The following PIAS1 variants were observed in gnomAD, a reference collection of about 807,000 sequenced individuals.
PIAS1 encodes the protein protein inhibitor of activated STAT 1.
Under a neutral mutation model 71.3 loss-of-function variants are expected in PIAS1, and 6 were observed. The observed-to-expected ratio is 0.08, with a 90% CI of 0.05 to 0.17. PIAS1 has a LOEUF of 0.17. Among genes scored for constraint, PIAS1 ranks in the 10% least tolerant of loss-of-function variants. PIAS1 has a pLI of 1.00. For synonymous variants in PIAS1, 303 were observed against 292.9 expected (o/e 1.03, Z -0.35); for missense variants, 555 against 793.6 (o/e 0.70, Z 3.61).
At chr15:68,134,586 C>A (rs1293470330) in intron 2 of PIAS1, among the ~76,000 whole-genome samples, 1 of 40,504 alleles carries the variant, frequency 2.5e-5, no homozygotes, top group Non-Finnish European at 1.1e-4. Flanking sequence ...GCGCCCCCCA[C>A]CCCCCAGACG....
chr15:68,069,803 CAAA>C (rs56693841), intron 1 of PIAS1, among the ~76,000 whole-genome samples: 75 of 101,444 alleles, frequency 7.4e-4, no homozygotes, highest in Admixed American at 8.2e-4. Context: ...GACTCCGTCT[CAAA>C]AAAAAAAAAA....
chr15:68,168,805 C>G (rs2092972744), intron 8 of PIAS1, among the ~76,000 whole-genome samples: 1 of 152,126 alleles, frequency 6.6e-6, no homozygotes, highest in East Asian at 1.9e-4. Context: ...TTATGTCTGT[C>G]TTGTACCATT....
chr15:68,175,596 T>C, intron 9 of PIAS1, 41 bp from the exon 10 acceptor site: 1 of 1,152,328 alleles, frequency 8.7e-7, no homozygotes, highest in South Asian at 2.1e-5. Flanking sequence ...ACCTTTATGT[T>C]CATTTAAAAT....
chr15:68,111,061 A>C (rs2092519501), intron 2 of PIAS1, among the ~76,000 whole-genome samples: 1 of 152,098 alleles, frequency 6.6e-6, no homozygotes. Flanking sequence ...GCTTATGGTT[A>C]TCTGCTCTTA....
intron 5 of PIAS1, 121 bp from the exon 6 acceptor site, chr15:68,146,445 C>CT: frequency 2.9e-6 from 2 of 698,580 alleles, no homozygotes; most frequent in Admixed American, 2.9e-5. Context: ...TGCTTCTCTA[C>CT]TTTTTAATGA....
intron 1 of PIAS1, among the ~76,000 whole-genome samples, chr15:68,080,080 T>C (rs2092213773): frequency 6.6e-6 from 1 of 152,108 alleles, no homozygotes; most frequent in South Asian, 2.1e-4. Context: ...GGTCTGCCTG[T>C]CTCAGCCTCC....
chr15:68,143,704 G>C (rs922101404), intron 4 of PIAS1, among the ~76,000 whole-genome samples: 1 of 152,062 alleles, frequency 6.6e-6, no homozygotes, highest in South Asian at 2.1e-4. Flanking sequence ...CATTTTGCTT[G>C]TGCTGATACT....
chr15:68,143,933 C>T (rs778624749), intron 4 of PIAS1, among the ~76,000 whole-genome samples: 3 of 151,868 alleles, frequency 2.0e-5, no homozygotes, highest in African/African-American at 4.8e-5. Flanking sequence ...GTTTAAAAAC[C>T]GTAGCTTTAG....
At chr15:68,115,227 A>G (rs925424328) in intron 2 of PIAS1, among the ~76,000 whole-genome samples, 5 of 152,122 alleles carry the variant, frequency 3.3e-5, no homozygotes, top group Non-Finnish European at 7.4e-5. Flanking sequence ...ATATGTTTTC[A>G]GCTCCTTTAG....
chr15:68,094,318 A>C (rs1044856098), intron 2 of PIAS1, among the ~76,000 whole-genome samples: 2 of 151,860 alleles, frequency 1.3e-5, no homozygotes, highest in Non-Finnish European at 1.5e-5. Context: ...CTTTGGAGAT[A>C]TTTACACCTC....
rs1056323397 is a variant in PIAS1, at chr15:68,171,275, T to C, written c.1009-2457T>C. Among the ~76,000 whole-genome samples the C allele has an allele frequency of 1.3e-5, 2 of 152,200 alleles. No individual in the cohort carries two copies. Among genetic ancestry groups the C allele is most frequent in the Admixed American group, 6.5e-5 (1 of 15,278 alleles). ...ACAGACATGGAGCTGTTCTCTCTTATGGTAACAGTGCCTTCTTCTGGAATA... is the reference window on the plus strand; with the variant it reads ...ACAGACATGGAGCTGTTCTCTCTTACGGTAACAGTGCCTTCTTCTGGAATA... On this transcript the variant is annotated intron_variant, in intron 8 of 13. Coordinates refer to ENST00000249636, the MANE Select transcript of PIAS1 (RefSeq NM_016166.3). The surrounding 1 kb of genome is among the most constrained non-coding windows in gnomAD (Gnocchi z 4.4).
At chr15:68,125,542 A>T (rs1408560256) in intron 2 of PIAS1, among the ~76,000 whole-genome samples, 3 of 152,176 alleles carry the variant, frequency 2.0e-5, no homozygotes, top group Non-Finnish European at 4.4e-5. Flanking sequence ...CATGCCTGAA[A>T]ATGTTTTATT....
intron 1 of PIAS1, chr15:68,055,798 G>T: frequency 1.6e-6 from 1 of 631,674 alleles, no homozygotes; most frequent in South Asian, 1.9e-5. Context: ...ACAACTTCTA[G>T]AACAACCAAA....
intron 2 of PIAS1, among the ~76,000 whole-genome samples, chr15:68,092,377 G>A (rs2092339613): frequency 6.6e-6 from 1 of 151,930 alleles, no homozygotes; most frequent in Non-Finnish European, 1.5e-5. Context: ...TTGTCATGTT[G>A]GCCAGGCTTG....
At chr15:68,139,925 G>C (rs879827244) in intron 2 of PIAS1, among the ~76,000 whole-genome samples, 2 of 151,904 alleles carry the variant, frequency 1.3e-5, no homozygotes, top group Non-Finnish European at 2.9e-5. Context: ...TTTTTTGAAA[G>C]GGCTAATGGT....
At chr15:68,149,633 C>CT (rs569385584) in intron 6 of PIAS1, among the ~76,000 whole-genome samples, 1 of 151,836 alleles carries the variant, frequency 6.6e-6, no homozygotes, top group Admixed American at 6.6e-5. Flanking sequence ...AAAAAGAGAT[C>CT]TTTTTTTCTG....
chr15:68,163,213 AATC>A (rs2092936461), intron 7 of PIAS1, among the ~76,000 whole-genome samples: 1 of 152,236 alleles, frequency 6.6e-6, no homozygotes, highest in Non-Finnish European at 1.5e-5. Context: ...TACTTTTTAA[AATC>A]ATATTTATAA....
In PIAS1 at chr15:68,117,097, G is replaced by A. The variant is rs533304483; in HGVS notation, c.470-24849G>A. Among the ~76,000 whole-genome samples, 167 of 152,008 alleles carry A rather than the reference G, an allele frequency of 1.1e-3. 1 individual carries two copies. Among genetic ancestry groups the A allele is most frequent in the African/African-American group, 3.8e-3 (156 of 41,480 alleles). ...GTTTTTGTTTTTTTGTTGCTGTTTCGTTTCTTGAGACAAAGTCTCATTCTG... is the reference window on the plus strand; with the variant it reads ...GTTTTTGTTTTTTTGTTGCTGTTTCATTTCTTGAGACAAAGTCTCATTCTG... On this transcript the variant is annotated intron_variant, in intron 2 of 13. Coordinates refer to ENST00000249636, the MANE Select transcript of PIAS1 (RefSeq NM_016166.3).
intron 2 of PIAS1, among the ~76,000 whole-genome samples, chr15:68,133,538 C>T (rs759112881): frequency 8.6e-5 from 13 of 151,852 alleles, no homozygotes; most frequent in Non-Finnish European, 1.6e-4. Context: ...TAATTGGGAA[C>T]GTGGTCCAGA....
Sources: gnomAD v4.1 joint callset for allele counts (sites outside exome capture counted in the v4.1 genomes callset) on GRCh38, gnomAD v4.1.1 for gene constraint, Gnocchi (gnomAD v3.1) non-coding constraint, MANE v1.5 for transcripts, NCBI Gene and HGNC (gene_info 2026-07-23, HGNC 2026-07-21) for gene names.